The following SENP7 variants were observed in gnomAD, a reference collection of about 807,000 sequenced individuals.
The protein encoded by SENP7 is SUMO specific peptidase 7, also known as sentrin-specific protease 7.
Under a neutral mutation model 141.2 loss-of-function variants are expected in SENP7, and 64 were observed. The observed-to-expected ratio is 0.45, with a 90% CI of 0.37 to 0.56. The LOEUF is 0.56. Among genes scored for constraint, SENP7 ranks in the 20% least tolerant of loss-of-function variants. The pLI is 0.00. For synonymous variants in SENP7, 382 were observed against 426.4 expected, an observed-to-expected ratio of 0.90 and a Z score of 1.28; for missense variants, 1,025 against 1,212.2, an observed-to-expected ratio of 0.85 and a Z score of 2.29.
chr3:101,436,117 C>CCATA (rs2062377790), intron 4 of SENP7, among the ~76,000 whole-genome samples: 4 of 152,184 alleles, frequency 2.6e-5, no homozygotes, highest in Middle Eastern at 3.4e-3. Context: ...AGAAACAAAC[C>CCATA]CATACACCTA....
chr3:101,396,352 C>G (rs1444014618), intron 6 of SENP7, among the ~76,000 whole-genome samples: 1 of 152,136 alleles, frequency 6.6e-6, no homozygotes, highest in East Asian at 1.9e-4. Context: ...ATACAATCTT[C>G]AAAAGTGTGA....
chr3:101,331,776 T>C (rs1448950463), intron 19 of SENP7, among the ~76,000 whole-genome samples: 1 of 152,122 alleles, frequency 6.6e-6, no homozygotes, highest in Non-Finnish European at 1.5e-5. Context: ...AAGTAGTAAT[T>C]TTAAGTGCCA....
intron 14 of SENP7, 94 bp downstream of exon 14, chr3:101,343,592 A>G: frequency 7.5e-7 from 1 of 1,341,264 alleles, no homozygotes; most frequent in Non-Finnish European, 1.0e-6. Context: ...TGCCCTTTTC[A>G]CAAAATGTAG....
At chr3:101,461,536 A>G (rs2063546162) in intron 3 of SENP7, among the ~76,000 whole-genome samples, 1 of 152,132 alleles carries the variant, frequency 6.6e-6, no homozygotes, top group Non-Finnish European at 1.5e-5. Context: ...GAGTATATGA[A>G]GAACATGGAA....
At chr3:101,405,651 G>A (rs545060125) in intron 5 of SENP7, among the ~76,000 whole-genome samples, 1 of 152,338 alleles carries the variant, frequency 6.6e-6, no homozygotes, top group South Asian at 2.1e-4. Flanking sequence ...AAAGAAAGGT[G>A]AAGCCCAGTG....
At chr3:101,345,415 A>G (rs1356272308) in intron 13 of SENP7, among the ~76,000 whole-genome samples, 1 of 152,086 alleles carries the variant, frequency 6.6e-6, no homozygotes, top group Non-Finnish European at 1.5e-5. Flanking sequence ...TTCCTTGTAG[A>G]GGTTAGCTAT....
At chr3:101,332,318 T>C (rs944400000) in intron 18 of SENP7, among the ~76,000 whole-genome samples, 1 of 152,158 alleles carries the variant, frequency 6.6e-6, no homozygotes, top group East Asian at 1.9e-4. Flanking sequence ...GGGTAACAGC[T>C]GAGTAGTTCA....
chr3:101,497,877 A>T (rs544042185), intron 2 of SENP7, among the ~76,000 whole-genome samples: 1 of 152,338 alleles, frequency 6.6e-6, no homozygotes, highest in African/African-American at 2.4e-5. Flanking sequence ...ATCACAGCTG[A>T]TCACAGCCTC....
At chr3:101,359,571 C>A (rs532562062) in intron 11 of SENP7, among the ~76,000 whole-genome samples, 15 of 151,736 alleles carry the variant, frequency 9.9e-5, no homozygotes, top group African/African-American at 3.6e-4. Context: ...TTTGCAGTTC[C>A]CTACTGTTTG....
At position 101,418,112 on chromosome 3, in the gene SENP7, T is replaced by A. The variant is rs139721855; in HGVS notation, c.285-322A>T. Among the ~76,000 whole-genome samples, 563 of 152,296 alleles carry A rather than the reference T, an allele frequency of 3.7e-3. 16 individuals carry two copies. The highest frequency in any genetic ancestry group is 0.033 in the Admixed American group (508 of 15,290). On this transcript the variant is annotated intron_variant, in intron 4 of 23. Transcript: ENST00000394095. The stretch of plus-strand genomic sequence containing the variant: ...TTGAAGGACAGTGTTCATTTGCAGA[T>A]CTCATCACAGATGTAACCACTGTTT...
intron 11 of SENP7, chr3:101,357,978 C>A: frequency 1.6e-6 from 1 of 624,346 alleles, no homozygotes; most frequent in Non-Finnish European, 2.6e-6. Context: ...CCCCTTTTTT[C>A]ACATAAGAAA....
chr3:101,338,710 C>G (rs1342239174), intron 16 of SENP7, among the ~76,000 whole-genome samples: 2 of 151,980 alleles, frequency 1.3e-5, no homozygotes, highest in African/African-American at 4.8e-5. Context: ...CCAAAAAGAT[C>G]AGAGAGAATG....
intron 6 of SENP7, among the ~76,000 whole-genome samples, chr3:101,390,345 A>G (rs1347812489): frequency 2.0e-5 from 3 of 148,060 alleles, no homozygotes; most frequent in Admixed American, 6.7e-5. Context: ...ATTGACCGAA[A>G]AAAAAAAAAA....
intron 3 of SENP7, among the ~76,000 whole-genome samples, chr3:101,463,235 G>C (rs2063608502): frequency 6.6e-6 from 1 of 151,532 alleles, no homozygotes; most frequent in Non-Finnish European, 1.5e-5. Flanking sequence ...TGTAGTCCCA[G>C]CTACTCAGAA....
intron 6 of SENP7, among the ~76,000 whole-genome samples, chr3:101,375,096 A>C (rs2060283811): frequency 6.6e-6 from 1 of 152,164 alleles, no homozygotes; most frequent in South Asian, 2.1e-4. Context: ...ATTTAAAAAA[A>C]AATTTTTTTT....
chr3:101,389,316 T>C (rs1358848128), intron 6 of SENP7, among the ~76,000 whole-genome samples: 5 of 151,950 alleles, frequency 3.3e-5, no homozygotes, highest in African/African-American at 9.7e-5. Flanking sequence ...GATCCTCAAA[T>C]AGATACAATA....
At chr3:101,441,798 A>T (rs182853173) in intron 4 of SENP7, among the ~76,000 whole-genome samples, 1 of 152,294 alleles carries the variant, frequency 6.6e-6, no homozygotes, top group East Asian at 1.9e-4. Flanking sequence ...GGGTCCAAAG[A>T]CTATTGTACC....
At chr3:101,430,403 G>A (rs1342324401) in intron 4 of SENP7, among the ~76,000 whole-genome samples, 1 of 152,008 alleles carries the variant, frequency 6.6e-6, no homozygotes, top group African/African-American at 2.4e-5. Context: ...ATTTCTTCCT[G>A]GTTTAATCTT....
intron 4 of SENP7, among the ~76,000 whole-genome samples, chr3:101,420,298 G>A (rs575982383): frequency 6.6e-6 from 1 of 152,258 alleles, no homozygotes; most frequent in East Asian, 1.9e-4. Context: ...AACCCAGGAG[G>A]CGGAGCTTGC....
Sources: gnomAD v4.1 joint callset for allele counts (sites outside exome capture counted in the v4.1 genomes callset) on GRCh38, gnomAD v4.1.1 for gene constraint, MANE v1.5 for transcripts, NCBI Gene and HGNC (gene_info 2026-07-23, HGNC 2026-07-21) for gene names.